EFCAB11: variants seen among roughly 807,000 people sequenced by gnomAD.
EFCAB11 encodes EF-hand calcium-binding domain-containing protein 11.
EFCAB11 carries 14 observed loss-of-function variants against 23.0 expected under a neutral mutation model. That is an observed-to-expected ratio of 0.61 (90% CI 0.40 to 0.95). EFCAB11 has a LOEUF of 0.95. EFCAB11 is among the 40% of genes least tolerant of loss of function. EFCAB11 has a pLI of 0.00. For missense variants in EFCAB11, 198 were observed against 195.8 expected, an observed-to-expected ratio of 1.01 and a Z score of -0.07; for synonymous variants, 65 against 66.6, an observed-to-expected ratio of 0.98 and a Z score of 0.11.
chr14:89,810,685 G>A (rs1459166724), intron 5 of EFCAB11, among the ~76,000 whole-genome samples: 2 of 151,654 alleles, frequency 1.3e-5, no homozygotes, highest in Admixed American at 1.3e-4. Context: ...GAACTCGACA[G>A]GCAAAGGTTG....
At chr14:89,833,480 T>C (rs2140117106) in intron 5 of EFCAB11, among the ~76,000 whole-genome samples, 1 of 152,348 alleles carries the variant, frequency 6.6e-6, no homozygotes, top group South Asian at 2.1e-4. Flanking sequence ...GAATGATGAA[T>C]GAATAAACAA....
chr14:89,795,059 G>C lies in EFCAB11; in HGVS notation c.*2184C>G, dbSNP rs1029812456. 3 of 133,958 alleles carry C rather than the reference G, an allele frequency of 2.2e-5. No individual in the cohort carries two copies. The highest frequency in any genetic ancestry group is 5.6e-5 in the African/African-American group (2 of 35,786). The allele number at this position is 133,958 out of a possible 1,614,324, so 8.3% of individuals were successfully genotyped here. ...GTGGCACCATTTCAGCTCACTGCAA[G>C]CTCTGCCTCCCAGGTTCATGCTATT... is the stretch of plus-strand genomic sequence containing the variant. On this transcript the variant is annotated 3_prime_UTR_variant, in exon 6 of 6. Coordinates refer to ENST00000316738, the MANE Select transcript of EFCAB11 (RefSeq NM_145231.4).
intron 5 of EFCAB11, among the ~76,000 whole-genome samples, chr14:89,887,367 T>G (rs1034654528): frequency 5.3e-5 from 8 of 152,162 alleles, no homozygotes; most frequent in African/African-American, 1.9e-4. Context: ...TAGATACACA[T>G]GATCACATAG....
At chr14:89,909,121 A>G (rs921142271) in intron 5 of EFCAB11, among the ~76,000 whole-genome samples, 53 of 152,268 alleles carry the variant, frequency 3.5e-4, no homozygotes, top group African/African-American at 1.2e-3. Context: ...TTTGAGATGA[A>G]CCCTCATGCT....
chr14:89,920,546 CCTCT>C (rs1384383099), intron 5 of EFCAB11, among the ~76,000 whole-genome samples: 17 of 152,370 alleles, frequency 1.1e-4, no homozygotes, highest in African/African-American at 3.8e-4. Flanking sequence ...AGTCTTTAGA[CCTCT>C]CTGAGCTTTT....
chr14:89,871,709 T>C (rs1888275286), intron 5 of EFCAB11, among the ~76,000 whole-genome samples: 1 of 152,198 alleles, frequency 6.6e-6, no homozygotes, highest in Non-Finnish European at 1.5e-5. Context: ...TTTAAGTCCA[T>C]CATATTCCCT....
At chr14:89,890,716 C>T (rs965015780) in intron 5 of EFCAB11, among the ~76,000 whole-genome samples, 3 of 152,184 alleles carry the variant, frequency 2.0e-5, no homozygotes. Flanking sequence ...CTAGCTTGAA[C>T]CCAAAGAGGT....
chr14:89,863,019 G>A (rs971149520), intron 5 of EFCAB11, among the ~76,000 whole-genome samples: 1 of 152,040 alleles, frequency 6.6e-6, no homozygotes, highest in Non-Finnish European at 1.5e-5. Flanking sequence ...CATCTTCTAT[G>A]TGCCAAGCAC....
chr14:89,813,608 C>T (rs1426217943), intron 5 of EFCAB11, among the ~76,000 whole-genome samples: 4 of 152,110 alleles, frequency 2.6e-5, no homozygotes, highest in African/African-American at 9.7e-5. Flanking sequence ...GTTACTTCAG[C>T]CAGATCTCCT....
In EFCAB11 at chr14:89,802,268, T is replaced by C. The variant is rs552035136; in HGVS notation, c.411-4944A>G. Among the ~76,000 whole-genome samples the C allele has an allele frequency of 2.0e-5, 3 of 151,074 alleles. No individual in the cohort carries two copies. The South Asian group carries it at 6.3e-4, about 32-fold the overall frequency. On this transcript the variant is annotated intron_variant, in intron 5 of 5. Coordinates refer to ENST00000316738, the MANE Select transcript of EFCAB11 (RefSeq NM_145231.4). The stretch of plus-strand genomic sequence containing the variant: ...TTTAAATTTTACTACATTGAAACGA[T>C]GGAATCTTTTCTATTAAAATGACAT...
chr14:89,845,297 T>A (rs1887396620), intron 5 of EFCAB11, among the ~76,000 whole-genome samples: 1 of 152,224 alleles, frequency 6.6e-6, no homozygotes, highest in African/African-American at 2.4e-5. Flanking sequence ...GGACAAGGTA[T>A]CATTTTCTGA....
Position 89,928,806 on chromosome 14 carries a change from A to G in EFCAB11, c.410+2735T>C, listed in dbSNP as rs1428980939. 5.4e-5 allele frequency among the ~76,000 whole-genome samples: 8 copies of G among 147,544 alleles called. No individual in the cohort carries two copies. In the East Asian group the frequency reaches 1.6e-3, roughly 29 times the overall value. On this transcript the variant is annotated intron_variant, in intron 5 of 5. Coordinates refer to ENST00000316738, the MANE Select transcript of EFCAB11 (RefSeq NM_145231.4). ...AAATAAATGCAATTAATTATATATTATAGATTACATATATAATTAAATAAT... is the reference window on the plus strand; with the variant it reads ...AAATAAATGCAATTAATTATATATTGTAGATTACATATATAATTAAATAAT...
At chr14:89,799,527 T>C (rs1006710079) in intron 5 of EFCAB11, 3 of 152,178 alleles carry the variant, frequency 2.0e-5, no homozygotes, top group Admixed American at 1.3e-4. Flanking sequence ...GAAGGAAATG[T>C]CATCAGGTTA....
intron 5 of EFCAB11, among the ~76,000 whole-genome samples, chr14:89,831,853 G>A (rs558841780): frequency 1.8e-4 from 28 of 152,296 alleles, no homozygotes; most frequent in South Asian, 1.7e-3. Flanking sequence ...ACATTTTGCC[G>A]AGGTTGTTCT....
intron 5 of EFCAB11, among the ~76,000 whole-genome samples, chr14:89,909,499 G>A (rs1216806598): frequency 7.7e-6 from 1 of 129,782 alleles, no homozygotes; most frequent in African/African-American, 4.1e-5. Context: ...AGAATAGCTT[G>A]AAGCCGGGGG....
chr14:89,941,318 T>C (rs1890782901), intron 3 of EFCAB11, among the ~76,000 whole-genome samples: 2 of 152,218 alleles, frequency 1.3e-5, no homozygotes, highest in African/African-American at 2.4e-5. Flanking sequence ...TTTTCGTGTA[T>C]TGATTCTACT....
intron 5 of EFCAB11, among the ~76,000 whole-genome samples, chr14:89,834,499 G>A (rs2140119008): frequency 6.6e-6 from 1 of 151,934 alleles, no homozygotes; most frequent in South Asian, 2.1e-4. Flanking sequence ...CCCTTCTCCA[G>A]GCAAGGCACT....
chr14:89,843,091 CA>C (rs1376786720), intron 5 of EFCAB11, among the ~76,000 whole-genome samples: 1 of 152,088 alleles, frequency 6.6e-6, no homozygotes, highest in Non-Finnish European at 1.5e-5. Context: ...GTCTAGTACA[CA>C]ATGCTATCTC....
At chr14:89,871,489 C>A (rs1419653437) in intron 5 of EFCAB11, among the ~76,000 whole-genome samples, 1 of 152,124 alleles carries the variant, frequency 6.6e-6, no homozygotes, top group South Asian at 2.1e-4. Context: ...TAGCAACCAA[C>A]CCGGGCACTT....
Sources: allele counts gnomAD v4.1 joint callset (sites outside exome capture counted in the v4.1 genomes callset), GRCh38; gene constraint gnomAD v4.1.1; transcripts MANE v1.5; gene names NCBI Gene and HGNC (gene_info 2026-07-23, HGNC 2026-07-21).